Variants in PLCB1 observed in about 807,000 individuals in gnomAD.
The protein encoded by PLCB1 is phospholipase C beta 1.
PLCB1 carries 46 observed loss-of-function variants against 161.8 expected under a neutral mutation model. The observed-to-expected ratio is 0.28, with a 90% CI of 0.22 to 0.36. The LOEUF is 0.36. PLCB1 is among the 10% of genes least tolerant of loss of function. The pLI, the probability that PLCB1 is intolerant of heterozygous loss-of-function variation, is 1.00. For missense variants in PLCB1, 1,016 were observed against 1,472.5 expected, an observed-to-expected ratio of 0.69 and a Z score of 5.07; for synonymous variants, 517 against 503.7, an observed-to-expected ratio of 1.03 and a Z score of -0.35.
intron 18 of PLCB1, among the ~76,000 whole-genome samples, chr20:8,730,340 A>G (rs2123494223): frequency 6.6e-6 from 1 of 151,916 alleles, no homozygotes. Flanking sequence ...TTTTCATCCT[A>G]AACAATCATC....
At chr20:8,331,863 CAGA>C (rs1425980285) in intron 2 of PLCB1, among the ~76,000 whole-genome samples, 1 of 152,098 alleles carries the variant, frequency 6.6e-6, no homozygotes, top group Non-Finnish European at 1.5e-5. Context: ...CTTCACTCTG[CAGA>C]ATTATGGAAT....
chr20:8,375,633 C>T (rs948011213), intron 3 of PLCB1, among the ~76,000 whole-genome samples: 2 of 152,108 alleles, frequency 1.3e-5, no homozygotes, highest in African/African-American at 2.4e-5. Context: ...TCATGATTCT[C>T]AGCATGTATT....
rs1192850084 is a variant in PLCB1 at position 8,541,609 on chromosome 20, G to GAAAGAAAGAAAGA, written c.247-86683_247-86682insAGAAAGAAAGAAA. Among the ~76,000 whole-genome samples the GAAAGAAAGAAAGA allele has an allele frequency of 9.1e-3, 523 of 57,628 alleles. 2 individuals are homozygous for GAAAGAAAGAAAGA. The highest frequency in any genetic ancestry group is 0.025 in the Admixed American group (159 of 6,396). The allele number at this position is 57,628 out of a possible 152,430, so 37.8% of individuals were successfully genotyped here. ...GAAAGAAAGAAAGAAAGAAAGAAAG[G>GAAAGAAAGAAAGA]AAGGAAGATAGTAATGAAATGTGGG... On this transcript the variant is annotated intron_variant, in intron 3 of 31. Transcript: ENST00000338037.
intron 9 of PLCB1, 83 bp downstream of exon 9, chr20:8,658,787 A>T: frequency 8.5e-7 from 1 of 1,171,692 alleles, no homozygotes; most frequent in Non-Finnish European, 1.2e-6. Context: ...AACACCAGTG[A>T]TCGTTAGGTT....
At chr20:8,356,813 A>G (rs891841453) in intron 2 of PLCB1, among the ~76,000 whole-genome samples, 5 of 152,184 alleles carry the variant, frequency 3.3e-5, no homozygotes, top group African/African-American at 7.2e-5. Context: ...TATTAGAGGG[A>G]TAGCAGTGGT....
At chr20:8,737,965 T>A (rs1980669933) in intron 20 of PLCB1, among the ~76,000 whole-genome samples, 1 of 152,222 alleles carries the variant, frequency 6.6e-6, no homozygotes, top group South Asian at 2.1e-4. Flanking sequence ...AAGAAATATC[T>A]AGCACAATGA....
chr20:8,229,882 A>ATAACATAAAT, intron 2 of PLCB1, among the ~76,000 whole-genome samples: 1 of 148,364 alleles, frequency 6.7e-6, no homozygotes, highest in Non-Finnish European at 1.5e-5. Context: ...ATAAAATAAA[A>ATAACATAAAT]TAAAAATAAA....
intron 31 of PLCB1, among the ~76,000 whole-genome samples, chr20:8,815,718 A>G (rs918452667): frequency 3.3e-5 from 5 of 152,224 alleles, no homozygotes; most frequent in African/African-American, 9.6e-5. Flanking sequence ...GTTACAGTAC[A>G]ACAAAAGATC....
At chr20:8,293,509 T>C (rs143123687) in intron 2 of PLCB1, among the ~76,000 whole-genome samples, 257 of 152,268 alleles carry the variant, frequency 1.7e-3, no homozygotes, top group African/African-American at 5.2e-3. Context: ...ATGACATTCT[T>C]GAAGTGTGTT....
chr20:8,835,113 A>G (rs1354091500), intron 31 of PLCB1, among the ~76,000 whole-genome samples: 1 of 152,186 alleles, frequency 6.6e-6, no homozygotes, highest in East Asian at 1.9e-4. Flanking sequence ...GACACATAAA[A>G]TTAACCATAA....
intron 3 of PLCB1, among the ~76,000 whole-genome samples, chr20:8,580,208 C>T (rs940921102): frequency 6.6e-5 from 10 of 152,162 alleles, no homozygotes; most frequent in Non-Finnish European, 1.2e-4. Flanking sequence ...GGTGGCCCCA[C>T]ATGTCAAAGC....
chr20:8,355,330 A>G (rs540150263), intron 2 of PLCB1, among the ~76,000 whole-genome samples: 5 of 152,292 alleles, frequency 3.3e-5, no homozygotes, highest in Admixed American at 1.3e-4. Flanking sequence ...TTAACACATT[A>G]AAAAGTATTC....
At chr20:8,528,760 C>T (rs1800137492) in intron 3 of PLCB1, among the ~76,000 whole-genome samples, 1 of 151,796 alleles carries the variant, frequency 6.6e-6, no homozygotes, top group East Asian at 1.9e-4. Flanking sequence ...TAAAAGAGGA[C>T]GCAAAAGGCA....
intron 31 of PLCB1, among the ~76,000 whole-genome samples, chr20:8,858,688 A>G (rs888883104): frequency 6.6e-6 from 1 of 152,018 alleles, no homozygotes; most frequent in Non-Finnish European, 1.5e-5. Context: ...TCGAGTCCTA[A>G]AGGGAGATAG....
intron 3 of PLCB1, among the ~76,000 whole-genome samples, chr20:8,621,513 T>A (rs761387954): frequency 6.6e-6 from 1 of 152,234 alleles, no homozygotes; most frequent in Non-Finnish European, 1.5e-5. Context: ...ATGATTAAAA[T>A]TGACCATTTA....
intron 31 of PLCB1, chr20:8,880,872 T>TTTG (rs1987951087): frequency 1.4e-5 from 2 of 141,970 alleles, no homozygotes; most frequent in African/African-American, 5.4e-5. Context: ...TTTTTTTTTT[T>TTTG]TTTTTTGGTT....
chr20:8,358,221 T>C (rs538522019), intron 2 of PLCB1, among the ~76,000 whole-genome samples: 1 of 148,880 alleles, frequency 6.7e-6, no homozygotes, highest in Non-Finnish European at 1.5e-5. Flanking sequence ...AGAGCTACCG[T>C]GGTGGCATGG....
intron 3 of PLCB1, among the ~76,000 whole-genome samples, chr20:8,549,471 T>C (rs1042871801): frequency 2.0e-5 from 3 of 152,148 alleles, no homozygotes; most frequent in Admixed American, 1.3e-4. Flanking sequence ...CCCACCCAAA[T>C]CTCACCTTGA....
At chr20:8,542,289 T>C (rs1985368582) in intron 3 of PLCB1, among the ~76,000 whole-genome samples, 1 of 152,164 alleles carries the variant, frequency 6.6e-6, no homozygotes, top group Non-Finnish European at 1.5e-5. Flanking sequence ...GGGTAGAACT[T>C]CCTGAACACT....
Sources: allele counts gnomAD v4.1 joint callset (sites outside exome capture counted in the v4.1 genomes callset), GRCh38; gene constraint gnomAD v4.1.1; transcripts MANE v1.5; gene names NCBI Gene and HGNC (gene_info 2026-07-23, HGNC 2026-07-21).